POLE2: variants seen among roughly 807,000 people sequenced by gnomAD.
POLE2 encodes DNA polymerase epsilon 2, accessory subunit, also known as DNA polymerase epsilon subunit 2.
In POLE2, 56 loss-of-function variants were observed where a neutral mutation model predicts 79.4. The ratio of observed to expected loss-of-function variants is 0.71; its 90% CI spans 0.57 to 0.88. The LOEUF (loss-of-function observed/expected upper bound fraction) is 0.88, where lower values mean the gene tolerates loss of function less well. Ranked by LOEUF, POLE2 falls within the 40% of genes least tolerant of loss-of-function variation. POLE2 has a pLI of 0.00. For missense variants in POLE2, 598 were observed against 638.9 expected (o/e 0.94, Z 0.69); for synonymous variants, 212 against 214.0 (o/e 0.99, Z 0.08).
chr14:49,672,020 GAGGAATCTGAGA>G (rs1885934327), intron 5 of POLE2, among the ~76,000 whole-genome samples: 1 of 152,172 alleles, frequency 6.6e-6, no homozygotes, highest in African/African-American at 2.4e-5. Context: ...CTCCAGAAAG[GAGGAATCTGAGA>G]AAAGCCTTCC....
chr14:49,669,148 C>T (rs2139659410), intron 6 of POLE2, among the ~76,000 whole-genome samples: 1 of 152,212 alleles, frequency 6.6e-6, no homozygotes, highest in East Asian at 1.9e-4. Flanking sequence ...ATGAGTTGGG[C>T]AAGGAACCAG....
chr14:49,648,738 T>C (rs1463544306), intron 17 of POLE2, among the ~76,000 whole-genome samples: 3 of 152,176 alleles, frequency 2.0e-5, no homozygotes, highest in Admixed American at 6.6e-5. Context: ...CCACCAAAAA[T>C]TACTTGGTCC....
intron 11 of POLE2, 114 bp from the exon 12 acceptor site, chr14:49,655,208 T>C (rs566630223): frequency 1.1e-5 from 4 of 350,546 alleles, no homozygotes; most frequent in Non-Finnish European, 2.0e-5. Flanking sequence ...AATAACATTT[T>C]AATAACTTAT....
At chr14:49,665,303 C>T in intron 7 of POLE2, 140 bp from the exon 8 acceptor site, 2 of 589,192 alleles carry the variant, frequency 3.4e-6, no homozygotes, top group Non-Finnish European at 6.1e-6. Context: ...CTAGTCCAGG[C>T]TCTTCCATTT....
rs368424823 is a variant in POLE2 at position 49,683,294 on chromosome 14, C to T, written c.169+299G>A. Among the ~76,000 whole-genome samples the T allele has an allele frequency of 1.4e-4, 21 of 152,066 alleles. No homozygotes were observed. In the East Asian group the frequency reaches 2.1e-3, roughly 15 times the overall value. On this transcript the variant is annotated intron_variant, in intron 2 of 18. Transcript: ENST00000216367. The stretch of plus-strand genomic sequence containing the variant: ...GTGTGTGCCTGTAATCCCACCTACT[C>T]GTGAGGCTGAGACAAGAAAATTGCT...
chr14:49,648,233 C>T (rs1566525344), intron 17 of POLE2, among the ~76,000 whole-genome samples: 1 of 152,148 alleles, frequency 6.6e-6, no homozygotes, highest in African/African-American at 2.4e-5. Context: ...AAGCACCGAA[C>T]CCAACACCTA....
At position 49,664,608 on chromosome 14, in the gene POLE2, C is replaced by G; in HGVS notation, c.682+18G>C. On this transcript the variant is annotated intron_variant, in intron 9 of 18. Coordinates refer to ENST00000216367, the MANE Select transcript of POLE2 (RefSeq NM_002692.4). ...TGGAGAATGAGAAGAAGGACAGTAA[C>G]AAAGTATACTGACTTACCTTCTGCT... is the stretch of plus-strand genomic sequence containing the variant. 6.6e-7 allele frequency: 1 copy of G among 1,510,778 alleles called. No homozygotes were observed. Among genetic ancestry groups the G allele is most frequent in the Non-Finnish European group, 9.2e-7 (1 of 1,087,032 alleles). 93.6% of individuals were successfully genotyped at this position (1,510,778 alleles called of 1,614,324 possible).
chr14:49,661,199 C>T (rs1220900910), intron 10 of POLE2, among the ~76,000 whole-genome samples: 11 of 148,360 alleles, frequency 7.4e-5, no homozygotes. Flanking sequence ...ACTTCTTAAC[C>T]TAACTCTTCA....
chr14:49,684,097 A>G (rs1886933105), intron 1 of POLE2, among the ~76,000 whole-genome samples: 1 of 152,214 alleles, frequency 6.6e-6, no homozygotes, highest in African/African-American at 2.4e-5. Context: ...AGACACTCAT[A>G]TATTTAATTT....
At chr14:49,687,127 TACA>T (rs1278878933) in intron 1 of POLE2, among the ~76,000 whole-genome samples, 3 of 151,486 alleles carry the variant, frequency 2.0e-5, no homozygotes, top group Admixed American at 6.6e-5. Flanking sequence ...CTAAAAAACA[TACA>T]ACAACAAAAA....
At chr14:49,675,106 C>T (rs1361179062) in intron 3 of POLE2, among the ~76,000 whole-genome samples, 2 of 148,012 alleles carry the variant, frequency 1.4e-5, no homozygotes, top group Non-Finnish European at 1.5e-5. Flanking sequence ...TTTTTTGAGA[C>T]AGAGTTTCAC....
In POLE2 at chr14:49,687,300, CCACACA is replaced by C. The variant is rs60811856; in HGVS notation, c.68+830_68+835del. The stretch of plus-strand genomic sequence containing the variant: ...ATACATATATATATATACACACACA[CCACACA>C]CACACACACACACACACACACACAC... On this transcript the variant is annotated intron_variant, in intron 1 of 18. Transcript: ENST00000216367. Among the ~76,000 whole-genome samples, 823 of 139,806 alleles carry C rather than the reference CCACACA, an allele frequency of 5.9e-3. 3 individuals are homozygous for C. Among genetic ancestry groups the C allele is most frequent in the South Asian group, 0.014 (61 of 4,244 alleles). The allele number at this position is 139,806 out of a possible 152,430, so 91.7% of individuals were successfully genotyped here. A position where few individuals can be genotyped will look rare whatever the true frequency, so the allele number is the denominator to read the frequency against.
chr14:49,671,018 AATG>A (rs1465768470), intron 5 of POLE2, among the ~76,000 whole-genome samples: 2 of 152,236 alleles, frequency 1.3e-5, no homozygotes, highest in Non-Finnish European at 2.9e-5. Flanking sequence ...GAAGTAGGAT[AATG>A]ATAACATCAG....
chr14:49,656,049 ATC>A (rs1444066720), intron 10 of POLE2, among the ~76,000 whole-genome samples: 2 of 152,210 alleles, frequency 1.3e-5, no homozygotes, highest in Non-Finnish European at 2.9e-5. Flanking sequence ...AATAGGCTAT[ATC>A]TGTGTCTTAA....
At chr14:49,680,436 A>G (rs997874338) in intron 2 of POLE2, among the ~76,000 whole-genome samples, 1 of 152,200 alleles carries the variant, frequency 6.6e-6, no homozygotes, top group Non-Finnish European at 1.5e-5. Flanking sequence ...CTCAGTTTCA[A>G]TGAGCATGAT....
intron 11 of POLE2, among the ~76,000 whole-genome samples, chr14:49,655,306 T>A (rs45492297): frequency 4.1e-4 from 63 of 152,276 alleles, no homozygotes; most frequent in African/African-American, 1.3e-3. Context: ...AGAACATCCA[T>A]AAAATCTGAG....
intron 18 of POLE2, chr14:49,646,871 CTTCT>C (rs1004724324): frequency 1.6e-4 from 24 of 154,322 alleles, no homozygotes; most frequent in Non-Finnish European, 2.2e-4. Flanking sequence ...TGATTATTTT[CTTCT>C]TTCTCAAGAC....
rs534400842 is a variant in POLE2 at position 49,644,991 on chromosome 14, G to A, written c.1566-1321C>T. ...CAAGAGATGGAGGTTGCAGTGAGCC[G>A]AGACTGTGCCGCTGCACTCTAGCCT... On this transcript the variant is annotated intron_variant, in intron 18 of 18. Transcript: ENST00000216367. 1.2e-4 allele frequency among the ~76,000 whole-genome samples: 17 copies of A among 146,836 alleles called. No homozygotes were observed. The South Asian group carries it at 2.3e-3, about 20-fold the overall frequency.
chr14:49,687,012 A>G (rs142097178), intron 1 of POLE2, among the ~76,000 whole-genome samples: 68 of 152,244 alleles, frequency 4.5e-4, no homozygotes, highest in African/African-American at 1.5e-3. Flanking sequence ...GGTCAGGCGC[A>G]GTGGTTCACG....
Sources: gnomAD v4.1 joint callset for allele counts (sites outside exome capture counted in the v4.1 genomes callset) on GRCh38, gnomAD v4.1.1 for gene constraint, MANE v1.5 for transcripts, NCBI Gene and HGNC (gene_info 2026-07-23, HGNC 2026-07-21) for gene names.